Variants in TMEM232 observed in about 807,000 individuals in gnomAD.
The protein encoded by TMEM232 is transmembrane protein 232.
A neutral mutation model predicts 78.8 loss-of-function variants in TMEM232; 80 were observed. That is an observed-to-expected ratio of 1.01 (90% CI 0.85 to 1.22). The LOEUF is 1.22. Ranked by LOEUF, TMEM232 falls within the 50% of genes most tolerant of loss-of-function variation. The probability of loss-of-function intolerance (pLI) is 0.00; values close to 1 mark genes in which losing one functional copy is unlikely to be tolerated. For synonymous variants in TMEM232, 297 were observed against 254.3 expected, an observed-to-expected ratio of 1.17 and a Z score of -1.60; for missense variants, 881 against 742.2, an observed-to-expected ratio of 1.19 and a Z score of -2.17.
intron 2 of TMEM232, among the ~76,000 whole-genome samples, chr5:110,652,858 C>G (rs1015795134): frequency 6.6e-5 from 10 of 152,100 alleles, no homozygotes; most frequent in Admixed American, 2.6e-4. Flanking sequence ...ATAATCTAGT[C>G]TAAATATGTA....
intron 10 of TMEM232, among the ~76,000 whole-genome samples, chr5:110,576,753 T>G (rs1777615493): frequency 6.6e-6 from 1 of 152,130 alleles, no homozygotes; most frequent in Non-Finnish European, 1.5e-5. Context: ...TATCTTATCT[T>G]CAGTAAACCT....
chr5:110,526,025 C>CAAAAAAAAAAAAAAA (rs758110596), intron 12 of TMEM232, among the ~76,000 whole-genome samples: 1 of 47,806 alleles, frequency 2.1e-5, no homozygotes, highest in African/African-American at 8.4e-5. Context: ...CACCATACAC[C>CAAAAAAAAAAAAAAA]AAAAAAAAAA....
chr5:110,435,301 A>T (rs964523155), intron 12 of TMEM232, among the ~76,000 whole-genome samples: 1 of 151,744 alleles, frequency 6.6e-6, no homozygotes, highest in Non-Finnish European at 1.5e-5. Flanking sequence ...AAATTTAAAC[A>T]TTTAATGTTT....
chr5:110,424,790 T>A lies in TMEM232; in HGVS notation c.1797+33A>T, dbSNP rs775185378. ...TTAAAGTGCTTTTAAGGAACAAAGC[T>A]TTTGCTGCTAGTTAAAAAAAAATCA... On this transcript the variant is annotated intron_variant, in intron 13 of 13. Coordinates refer to ENST00000455884, the MANE Select transcript of TMEM232 (RefSeq NM_001039763.4). The A allele has an allele frequency of 2.0e-6, 3 of 1,477,232 alleles. No individual in the cohort carries two copies. In the African/African-American group the frequency reaches 4.3e-5, roughly 21 times the overall value. The allele number at this position is 1,477,232 out of a possible 1,614,324, so 91.5% of individuals were successfully genotyped here. A position where few individuals can be genotyped will look rare whatever the true frequency, so the allele number is the denominator to read the frequency against.
intron 2 of TMEM232, among the ~76,000 whole-genome samples, chr5:110,414,470 C>CAT (rs112623781): frequency 1.1e-4 from 16 of 152,184 alleles, no homozygotes; most frequent in African/African-American, 3.6e-4. Flanking sequence ...AATATCAGTT[C>CAT]ATATATATGT....
At chr5:110,589,641 T>C (rs1423536908) in intron 10 of TMEM232, among the ~76,000 whole-genome samples, 1 of 152,158 alleles carries the variant, frequency 6.6e-6, no homozygotes, top group African/African-American at 2.4e-5. Flanking sequence ...TGCCTCAGTT[T>C]TCTCGCTCGA....
At chr5:110,611,599 A>G (rs975201808) in intron 8 of TMEM232, among the ~76,000 whole-genome samples, 3 of 151,968 alleles carry the variant, frequency 2.0e-5, no homozygotes, top group African/African-American at 7.2e-5. Flanking sequence ...TTCAGTCATC[A>G]TTTTTGTTTT....
intron 12 of TMEM232, among the ~76,000 whole-genome samples, chr5:110,457,493 C>T (rs549239958): frequency 5.5e-4 from 84 of 152,104 alleles, no homozygotes; most frequent in African/African-American, 1.6e-3. Context: ...TAGAATTTCA[C>T]GCCTCGGTAT....
In TMEM232 at chr5:110,420,143, G is replaced by GTAAT. The variant is rs1373217902; in HGVS notation, c.*433_*436dup. The GTAAT allele has an allele frequency of 1.3e-5, 2 of 152,730 alleles. No homozygotes were observed. The highest frequency in any genetic ancestry group is 4.8e-5 in the African/African-American group (2 of 41,464). The allele number at this position is 152,730 out of a possible 1,614,324, so 9.5% of individuals were successfully genotyped here. On this transcript the variant is annotated 3_prime_UTR_variant, in exon 14 of 14. Transcript: ENST00000455884. The stretch of plus-strand genomic sequence containing the variant: ...CCATACTGTTTTTATTTGAATAATA[G>GTAAT]TAATTACAGGATTGTTAGTTTATGT...
At chr5:110,435,849 C>T (rs1758373378) in intron 12 of TMEM232, among the ~76,000 whole-genome samples, 1 of 151,904 alleles carries the variant, frequency 6.6e-6, no homozygotes, top group African/African-American at 2.4e-5. Context: ...TTTCTTTATC[C>T]ACTCATCTGT....
rs760527754 is a variant in TMEM232 at position 110,424,854 on chromosome 5, T to C, written c.1766A>G (p.Asp589Gly). ...FPYPDFFTKA[D>G]KELAKIIDHH... ...GTCAATGATTTTTGCCAACTCTTTA[T>C]CTGCCTTGGTGAAGAAATCTGGATA... is the stretch of plus-strand genomic sequence containing the variant. Residue 589 changes from aspartate to glycine, a missense_variant, in exon 13 of 14, where the codon GAT becomes GGT. Transcript: ENST00000455884. 1 of 1,550,310 alleles carries C rather than the reference T, an allele frequency of 6.5e-7. No individual in the cohort carries two copies. Among genetic ancestry groups the C allele is most frequent in the South Asian group, 1.2e-5 (1 of 83,880 alleles).
intron 11 of TMEM232, among the ~76,000 whole-genome samples, chr5:110,559,770 G>A (rs1354480842): frequency 6.6e-6 from 1 of 152,172 alleles, no homozygotes; most frequent in Non-Finnish European, 1.5e-5. Flanking sequence ...TCATGTCACA[G>A]TTCTGAGGTT....
At chr5:110,497,334 A>T (rs924641596) in intron 12 of TMEM232, among the ~76,000 whole-genome samples, 2 of 152,144 alleles carry the variant, frequency 1.3e-5, no homozygotes, top group Non-Finnish European at 2.9e-5. Flanking sequence ...ATGAACAATG[A>T]GGACTAGAAG....
At chr5:110,607,293 C>A (rs564416350) in intron 8 of TMEM232, among the ~76,000 whole-genome samples, 2 of 152,024 alleles carry the variant, frequency 1.3e-5, no homozygotes, top group South Asian at 2.1e-4. Flanking sequence ...TGTCCAAGTT[C>A]CCTTTTTAAG....
At chr5:110,585,769 C>T (rs750205775) in intron 10 of TMEM232, among the ~76,000 whole-genome samples, 12 of 152,036 alleles carry the variant, frequency 7.9e-5, no homozygotes, top group Admixed American at 2.6e-4. Context: ...GCAGCAGTTT[C>T]TCATCCAGCT....
rs566512592 is a variant in TMEM232 at position 110,530,236 on chromosome 5, A to T, written c.1456-1401T>A. 1.8e-3 allele frequency among the ~76,000 whole-genome samples: 272 copies of T among 152,348 alleles called. 2 individuals carry two copies. Among genetic ancestry groups the T allele is most frequent in the Non-Finnish European group, 2.9e-3 (199 of 68,042 alleles). ...AAAAACAGTTAAAGTAATGAGAAAA[A>T]TAGCAAAAGGCAGGTATGCAAATAT... On this transcript the variant is annotated intron_variant, in intron 11 of 13. Coordinates refer to ENST00000455884, the MANE Select transcript of TMEM232 (RefSeq NM_001039763.4).
intron 5 of TMEM232, chr5:110,628,747 T>A (rs868037474): frequency 1.3e-5 from 2 of 151,658 alleles, no homozygotes; most frequent in South Asian, 2.1e-4. Context: ...TGTAATGATA[T>A]ACATGTAAAA....
chr5:110,669,701 T>A (rs1280191573), intron 1 of TMEM232, among the ~76,000 whole-genome samples: 1 of 151,970 alleles, frequency 6.6e-6, no homozygotes, highest in East Asian at 1.9e-4. Context: ...GAGACCAAGA[T>A]CCCTGATGAA....
At chr5:110,495,632 G>A (rs1023276917) in intron 12 of TMEM232, among the ~76,000 whole-genome samples, 16 of 151,848 alleles carry the variant, frequency 1.1e-4, no homozygotes, top group African/African-American at 3.6e-4. Context: ...ACTAGACGAG[G>A]TCAGAACACA....
Sources: gnomAD v4.1 joint callset for allele counts (sites outside exome capture counted in the v4.1 genomes callset) on GRCh38, gnomAD v4.1.1 for gene constraint, MANE v1.5 for transcripts, NCBI Gene and HGNC (gene_info 2026-07-23, HGNC 2026-07-21) for gene names.